The following MYCBP2 variants were observed in gnomAD, a reference collection of about 807,000 sequenced individuals.
MYCBP2 encodes MYC binding protein 2.
In MYCBP2, 120 loss-of-function variants were observed where a neutral mutation model predicts 525.3. The ratio of observed to expected loss-of-function variants is 0.23; its 90% CI spans 0.20 to 0.27. MYCBP2 has a LOEUF of 0.27. MYCBP2 is among the 10% of genes least tolerant of loss of function. The pLI is 1.00. For synonymous variants in MYCBP2, 1,894 were observed against 1,955.8 expected (o/e 0.97, Z 0.83); for missense variants, 4,149 against 5,657.1 (o/e 0.73, Z 8.55).
intron 52 of MYCBP2, among the ~76,000 whole-genome samples, chr13:77,134,737 T>C (rs1299554622): frequency 1.3e-5 from 2 of 152,196 alleles, no homozygotes; most frequent in African/African-American, 2.4e-5. Flanking sequence ...ATAATATGAA[T>C]GTCTAATGTT....
chr13:77,241,730 G>A (rs564449939), intron 17 of MYCBP2, among the ~76,000 whole-genome samples: 1 of 152,184 alleles, frequency 6.6e-6, no homozygotes, highest in East Asian at 1.9e-4. Flanking sequence ...CAGATGCTAT[G>A]AAGAACACTC....
chr13:77,093,397 C>A, intron 58 of MYCBP2, 65 bp from the exon 59 acceptor site: 2 of 1,405,730 alleles, frequency 1.4e-6, no homozygotes, highest in East Asian at 2.4e-5. Context: ...CATTTTTAAT[C>A]TCTTTCATAA....
chr13:77,262,190 A>C, intron 10 of MYCBP2, 61 bp from the exon 11 acceptor site: 1 of 1,357,768 alleles, frequency 7.4e-7, no homozygotes, highest in Non-Finnish European at 1.0e-6. Context: ...TAAATACAAC[A>C]TGCACTATTT....
chr13:77,094,234 C>T (rs1180637931), intron 58 of MYCBP2, among the ~76,000 whole-genome samples: 3 of 152,110 alleles, frequency 2.0e-5, no homozygotes, highest in Non-Finnish European at 4.4e-5. Context: ...TCTAGATTAC[C>T]TTCATTTGTC....
intron 38 of MYCBP2, 87 bp downstream of exon 38, chr13:77,171,405 A>C (rs2059130510): frequency 7.5e-7 from 1 of 1,333,642 alleles, no homozygotes; most frequent in Non-Finnish European, 1.0e-6. Flanking sequence ...AAATTGTATA[A>C]TAGAAGGCTC....
In MYCBP2 at chr13:77,313,994, T is replaced by C. The variant is rs147839519; in HGVS notation, c.302+12480A>G. On this transcript the variant is annotated intron_variant, in intron 1 of 82. Transcript: ENST00000544440. ...ATCAGAATGGCCAAAATCCAGAACA[T>C]AGACAACATCAAATGTTGGCGAGGC... 1.5e-4 allele frequency among the ~76,000 whole-genome samples: 23 copies of C among 151,366 alleles called. No individual in the cohort carries two copies. The East Asian group carries it at 2.3e-3, about 15-fold the overall frequency.
chr13:77,075,562 C>T (rs2042139111), intron 68 of MYCBP2: 1 of 152,308 alleles, frequency 6.6e-6, no homozygotes, highest in Non-Finnish European at 1.5e-5. Context: ...TCTCTGACCA[C>T]TCCAGGGCAC....
intron 82 of MYCBP2, among the ~76,000 whole-genome samples, chr13:77,046,090 T>C (rs948392435): frequency 3.9e-5 from 6 of 152,112 alleles, no homozygotes; most frequent in Non-Finnish European, 8.8e-5. Context: ...TAAAATACAA[T>C]GTGGAAAAAA....
rs1273223971 is a variant in MYCBP2 at position 77,061,724 on chromosome 13, A to C, written c.12841T>G (p.Leu4281Val). Reference protein sequence around the residue: ...AIILCNVCGNLCTDCDRFLHL... With the variant: ...AIILCNVCGNVCTDCDRFLHL... ...AGGAATCTGTCACAGTCTGTACATAAATTTCCACAGACATTGCATAAAATG... is the reference window on the plus strand; with the variant it reads ...AGGAATCTGTCACAGTCTGTACATACATTTCCACAGACATTGCATAAAATG... Residue 4281 changes from leucine (L) to valine (V), a missense_variant, in exon 75 of 83, where the codon TTA becomes GTA. Physicochemically the swap from Leu to Val is conservative, Grantham distance 32. Transcript: ENST00000544440. 6.2e-7 allele frequency: 1 copy of C among 1,612,170 alleles called. No individual in the cohort carries two copies. Among genetic ancestry groups the C allele is most frequent in the East Asian group, 2.2e-5 (1 of 44,756 alleles).
At chr13:77,285,747 T>C (rs2076662651) in intron 3 of MYCBP2, among the ~76,000 whole-genome samples, 1 of 150,438 alleles carries the variant, frequency 6.6e-6, no homozygotes, top group East Asian at 2.0e-4. Flanking sequence ...GATCATGCCA[T>C]TGCACTCCAG....
At chr13:77,221,897 T>C (rs771150724) in intron 20 of MYCBP2, among the ~76,000 whole-genome samples, 1 of 152,156 alleles carries the variant, frequency 6.6e-6, no homozygotes, top group Non-Finnish European at 1.5e-5. Context: ...GCATAGTATT[T>C]GTACATAAAC....
intron 4 of MYCBP2, among the ~76,000 whole-genome samples, chr13:77,278,127 A>C (rs1272076966): frequency 6.6e-6 from 1 of 152,174 alleles, no homozygotes; most frequent in Non-Finnish European, 1.5e-5. Flanking sequence ...GATGAATACA[A>C]AAAAAAGTCC....
intron 8 of MYCBP2, among the ~76,000 whole-genome samples, chr13:77,267,152 T>A (rs2074222023): frequency 1.3e-5 from 2 of 151,892 alleles, no homozygotes; most frequent in Admixed American, 6.6e-5. Flanking sequence ...ATAAACAAAT[T>A]CAAAGATCTT....
At chr13:77,280,105 T>C (rs2076035236) in intron 3 of MYCBP2, among the ~76,000 whole-genome samples, 1 of 152,190 alleles carries the variant, frequency 6.6e-6, no homozygotes, top group Admixed American at 6.5e-5. Context: ...ATCTCAGAAA[T>C]ACATTTTCTA....
At chr13:77,247,586 T>C (rs1241019653) in intron 15 of MYCBP2, among the ~76,000 whole-genome samples, 3 of 152,156 alleles carry the variant, frequency 2.0e-5, no homozygotes, top group Non-Finnish European at 2.9e-5. Flanking sequence ...CTAAAATTCA[T>C]AGAAAATCTC....
At chr13:77,320,228 G>A (rs2081426569) in intron 1 of MYCBP2, among the ~76,000 whole-genome samples, 1 of 152,206 alleles carries the variant, frequency 6.6e-6, no homozygotes, top group Non-Finnish European at 1.5e-5. Flanking sequence ...CGTGGAGTGG[G>A]ACTCAGCTGC....
chr13:77,229,959 C>T (rs140790174), intron 18 of MYCBP2, among the ~76,000 whole-genome samples: 1 of 152,128 alleles, frequency 6.6e-6, no homozygotes, highest in African/African-American at 2.4e-5. Context: ...ACTATGTACA[C>T]TATTAACACA....
chr13:77,262,935 G>A (rs2073540835), intron 10 of MYCBP2, among the ~76,000 whole-genome samples: 1 of 151,952 alleles, frequency 6.6e-6, no homozygotes, highest in Non-Finnish European at 1.5e-5. Context: ...CCAAGTTTAT[G>A]AAATGTAATG....
chr13:77,182,943 T>C (rs941187421), intron 32 of MYCBP2, among the ~76,000 whole-genome samples: 1 of 152,222 alleles, frequency 6.6e-6, no homozygotes, highest in Non-Finnish European at 1.5e-5. Context: ...CCTTATATCC[T>C]ACTTTCCTGA....
Sources: allele counts gnomAD v4.1 joint callset (sites outside exome capture counted in the v4.1 genomes callset), GRCh38; gene constraint gnomAD v4.1.1; transcripts MANE v1.5; gene names NCBI Gene and HGNC (gene_info 2026-07-23, HGNC 2026-07-21).